The following LAMA2 variants were observed in gnomAD, a reference collection of about 807,000 sequenced individuals.
LAMA2 encodes the protein laminin subunit alpha 2, also known as laminin subunit alpha-2.
Under a neutral mutation model 364.8 loss-of-function variants are expected in LAMA2, and 269 were observed. The observed-to-expected ratio is 0.74, with a 90% CI of 0.67 to 0.82. The LOEUF is 0.82. Among genes scored for constraint, LAMA2 ranks in the 40% least tolerant of loss-of-function variants. LAMA2 has a pLI of 0.00. For missense variants in LAMA2, 3,807 were observed against 3,873.2 expected, an observed-to-expected ratio of 0.98 and a Z score of 0.45; for synonymous variants, 1,379 against 1,370.6, an observed-to-expected ratio of 1.01 and a Z score of -0.14.
In LAMA2 at chr6:129,089,778, C is replaced by A. The variant is rs143800904; in HGVS notation, c.397-8395C>A. On this transcript the variant is annotated intron_variant, in intron 3 of 64. Transcript: ENST00000421865. ...ATGATAGCAACTTAATGAAGCATGGCGTACTAAATGCATTAATAAGCTGAG... is the reference window on the plus strand; with the variant it reads ...ATGATAGCAACTTAATGAAGCATGGAGTACTAAATGCATTAATAAGCTGAG... 3.3e-5 allele frequency among the ~76,000 whole-genome samples: 5 copies of A among 152,142 alleles called. No homozygotes were observed. In the East Asian group the frequency reaches 7.7e-4, roughly 23 times the overall value.
intron 40 of LAMA2, among the ~76,000 whole-genome samples, chr6:129,417,981 C>T (rs926146065): frequency 2.0e-5 from 3 of 152,094 alleles, no homozygotes; most frequent in African/African-American, 7.3e-5. Context: ...TGGGTGGCTG[C>T]AGCTGCACCC....
chr6:129,148,849 G>T, intron 6 of LAMA2, 130 bp from the exon 7 acceptor site: 1 of 775,384 alleles, frequency 1.3e-6, no homozygotes, highest in Non-Finnish European at 2.3e-6. Context: ...TTCTTCCCAG[G>T]CTGGCTAGTT....
chr6:129,411,581 C>T (rs1178564715), intron 40 of LAMA2, among the ~76,000 whole-genome samples: 1 of 152,078 alleles, frequency 6.6e-6, no homozygotes, highest in Non-Finnish European at 1.5e-5. Flanking sequence ...TCCATAGAAA[C>T]CTCAAAAAGA....
intron 4 of LAMA2, among the ~76,000 whole-genome samples, chr6:129,119,769 C>T (rs1039724615): frequency 3.3e-5 from 5 of 152,226 alleles, no homozygotes. Context: ...AGGATGGTCT[C>T]GATCTTCTGA....
chr6:129,512,523 T>TTTC, intron 63 of LAMA2, 30 bp downstream of exon 63: 4 of 1,611,222 alleles, frequency 2.5e-6, no homozygotes, highest in Non-Finnish European at 3.4e-6. Context: ...ACATTTCTGA[T>TTTC]TTCTTCATGA....
At chr6:128,997,385 G>T (rs1246979150) in intron 1 of LAMA2, among the ~76,000 whole-genome samples, 7 of 128,406 alleles carry the variant, frequency 5.5e-5, no homozygotes, top group African/African-American at 8.4e-5. Flanking sequence ...AGAGAGAAAG[G>T]AAGAGAGGGA....
intron 24 of LAMA2, 63 bp from the exon 25 acceptor site, chr6:129,315,408 GTAACT>G: frequency 7.1e-7 from 1 of 1,405,668 alleles, no homozygotes. Context: ...CATGCAGTTC[GTAACT>G]TAGTTTTAAA....
At chr6:128,923,276 T>A (rs1044412584) in intron 1 of LAMA2, among the ~76,000 whole-genome samples, 5 of 151,746 alleles carry the variant, frequency 3.3e-5, no homozygotes, top group African/African-American at 1.2e-4. Flanking sequence ...GGGAATGGCA[T>A]TGAATCTGTA....
chr6:128,923,732 G>A (rs1324068190), intron 1 of LAMA2, among the ~76,000 whole-genome samples: 3 of 152,124 alleles, frequency 2.0e-5, no homozygotes, highest in Non-Finnish European at 4.4e-5. Flanking sequence ...GCTAAGCCAT[G>A]CTGCAGGAAT....
chr6:129,016,268 A>G (rs1785068806), intron 1 of LAMA2, among the ~76,000 whole-genome samples: 1 of 151,968 alleles, frequency 6.6e-6, no homozygotes, highest in Non-Finnish European at 1.5e-5. Context: ...ACTTTGGAAA[A>G]CCTTTGGCAT....
intron 10 of LAMA2, among the ~76,000 whole-genome samples, chr6:129,180,173 G>T (rs1780847839): frequency 6.6e-6 from 1 of 152,012 alleles, no homozygotes; most frequent in Admixed American, 6.6e-5. Flanking sequence ...TGTAAAAACA[G>T]CATGGATCAA....
At position 129,026,582 on chromosome 6, in the gene LAMA2, T is replaced by C. The variant is rs550124874; in HGVS notation, c.113-23336T>C. ...TTTAACTCTTTCAGATGTTAAGGAT[T>C]CTATTTCCCAAATAACTTCATTCAT... On this transcript the variant is annotated intron_variant, in intron 1 of 64. Coordinates refer to ENST00000421865, the MANE Select transcript of LAMA2 (RefSeq NM_000426.4). Among the ~76,000 whole-genome samples, 6 of 152,284 alleles carry C rather than the reference T, an allele frequency of 3.9e-5. No homozygotes were observed. The South Asian group carries it at 1.2e-3, about 32-fold the overall frequency.
intron 30 of LAMA2, among the ~76,000 whole-genome samples, chr6:129,343,761 A>G (rs1776395701): frequency 6.6e-6 from 1 of 152,178 alleles, no homozygotes. Flanking sequence ...AGGGGTATCA[A>G]CTTAAATGTA....
chr6:129,395,964 C>T (rs1345288350), intron 37 of LAMA2, among the ~76,000 whole-genome samples: 1 of 152,162 alleles, frequency 6.6e-6, no homozygotes, highest in Non-Finnish European at 1.5e-5. Flanking sequence ...AGGCAGAGTG[C>T]AGACCTTCAG....
intron 32 of LAMA2, among the ~76,000 whole-genome samples, chr6:129,361,819 CTG>C (rs1774795635): frequency 7.5e-6 from 1 of 133,340 alleles, no homozygotes; most frequent in Admixed American, 8.5e-5. Context: ...GAGTCTCACT[CTG>C]TTTCCCAGGC....
At chr6:128,908,791 C>T (rs1461151986) in intron 1 of LAMA2, among the ~76,000 whole-genome samples, 2 of 149,786 alleles carry the variant, frequency 1.3e-5, no homozygotes, top group African/African-American at 5.0e-5. Flanking sequence ...AAATTTCCCT[C>T]TACACACTGC....
chr6:129,146,437 C>G (rs1778455302), intron 5 of LAMA2, among the ~76,000 whole-genome samples: 1 of 151,872 alleles, frequency 6.6e-6, no homozygotes, highest in African/African-American at 2.4e-5. Flanking sequence ...GCACAATAAA[C>G]TTACAGTTAA....
intron 9 of LAMA2, among the ~76,000 whole-genome samples, chr6:129,168,862 C>A (rs1779939007): frequency 6.9e-6 from 1 of 145,176 alleles, no homozygotes; most frequent in Non-Finnish European, 1.5e-5. Context: ...TTGTAGTTCT[C>A]CTTGAAGAGG....
intron 11 of LAMA2, among the ~76,000 whole-genome samples, chr6:129,192,382 A>C (rs1781571036): frequency 6.6e-6 from 1 of 152,228 alleles, no homozygotes; most frequent in Admixed American, 6.5e-5. Flanking sequence ...ATTTTTAAGA[A>C]AGTGGTATTT....
Sources: allele counts gnomAD v4.1 joint callset (sites outside exome capture counted in the v4.1 genomes callset), GRCh38; gene constraint gnomAD v4.1.1; transcripts MANE v1.5; gene names NCBI Gene and HGNC (gene_info 2026-07-23, HGNC 2026-07-21).